Variants in MIPOL1 observed in about 807,000 individuals in gnomAD.
The protein encoded by MIPOL1 is mirror-image polydactyly 1.
MIPOL1 carries 57 observed loss-of-function variants against 60.9 expected under a neutral mutation model. The observed-to-expected ratio is 0.94, with a 90% CI of 0.76 to 1.17. MIPOL1 has a LOEUF of 1.17. Among genes scored for constraint, MIPOL1 ranks in the 50% most tolerant of loss-of-function variants. The probability of loss-of-function intolerance (pLI) is 0.00; values close to 1 mark genes in which losing one functional copy is unlikely to be tolerated. For synonymous variants in MIPOL1, 179 were observed against 168.8 expected (o/e 1.06, Z -0.47); for missense variants, 551 against 511.6 (o/e 1.08, Z -0.74).
intron 11 of MIPOL1, among the ~76,000 whole-genome samples, chr14:37,499,042 A>C (rs921122688): frequency 1.3e-5 from 2 of 152,114 alleles, no homozygotes; most frequent in African/African-American, 4.8e-5. Context: ...CTTTGTATGC[A>C]TATACTGAAA....
chr14:37,355,778 C>G (rs2091769163), intron 9 of MIPOL1, among the ~76,000 whole-genome samples: 1 of 150,710 alleles, frequency 6.6e-6, no homozygotes, highest in South Asian at 2.2e-4. Flanking sequence ...AAGCACTTCT[C>G]TGTATTGGGT....
intron 12 of MIPOL1, among the ~76,000 whole-genome samples, chr14:37,538,922 A>G (rs763113683): frequency 6.6e-6 from 1 of 152,158 alleles, no homozygotes; most frequent in Non-Finnish European, 1.5e-5. Flanking sequence ...AGAACTGCCC[A>G]GCTGACGCGG....
intron 10 of MIPOL1, among the ~76,000 whole-genome samples, chr14:37,375,630 A>C (rs968179398): frequency 6.6e-6 from 1 of 152,064 alleles, no homozygotes; most frequent in Non-Finnish European, 1.5e-5. Context: ...TTTATTATGT[A>C]TTATCTTTAC....
chr14:37,323,387 T>C (rs888103110), intron 9 of MIPOL1, among the ~76,000 whole-genome samples: 1 of 152,110 alleles, frequency 6.6e-6, no homozygotes, highest in African/African-American at 2.4e-5. Flanking sequence ...AACCTTGTAG[T>C]ATAGTTTGAA....
intron 6 of MIPOL1, among the ~76,000 whole-genome samples, chr14:37,280,340 G>C (rs1215659949): frequency 6.6e-6 from 1 of 152,128 alleles, no homozygotes; most frequent in Admixed American, 6.6e-5. Flanking sequence ...ATACCTGGAA[G>C]TGGAACTGCT....
chr14:37,329,821 A>C (rs2153453134), intron 9 of MIPOL1, among the ~76,000 whole-genome samples: 1 of 152,308 alleles, frequency 6.6e-6, no homozygotes, highest in South Asian at 2.1e-4. Flanking sequence ...AATAACTGCC[A>C]ACTTAACATT....
intron 7 of MIPOL1, among the ~76,000 whole-genome samples, chr14:37,298,716 A>G (rs925395218): frequency 5.9e-5 from 9 of 152,178 alleles, no homozygotes; most frequent in African/African-American, 1.4e-4. Context: ...ATCACTGGCC[A>G]TCAGATAAAT....
intron 9 of MIPOL1, among the ~76,000 whole-genome samples, chr14:37,351,753 GTTGT>G (rs2091405773): frequency 1.7e-5 from 2 of 117,908 alleles, no homozygotes; most frequent in African/African-American, 3.2e-5. Flanking sequence ...TTTTGATGGG[GTTGT>G]TTGTTTTTTT....
At chr14:37,410,572 G>A (rs1402388927) in intron 10 of MIPOL1, among the ~76,000 whole-genome samples, 1 of 151,888 alleles carries the variant, frequency 6.6e-6, no homozygotes, top group Admixed American at 6.6e-5. Context: ...GGAAGGAATC[G>A]GAACACAAAA....
chr14:37,437,682 C>T (rs543728895), intron 11 of MIPOL1, among the ~76,000 whole-genome samples: 9 of 152,204 alleles, frequency 5.9e-5, no homozygotes, highest in Non-Finnish European at 1.2e-4. Flanking sequence ...TGACCATCAA[C>T]GGGTAATTAA....
At chr14:37,428,678 T>C (rs1224536922) in intron 11 of MIPOL1, among the ~76,000 whole-genome samples, 3 of 137,956 alleles carry the variant, frequency 2.2e-5, no homozygotes, top group Non-Finnish European at 4.9e-5. Context: ...TTTTTTTTTT[T>C]CTGGTTTAGT....
intron 11 of MIPOL1, among the ~76,000 whole-genome samples, chr14:37,434,850 C>CAAAAAAAA (rs71127219): frequency 3.6e-5 from 4 of 111,736 alleles, no homozygotes; most frequent in Non-Finnish European, 3.9e-5. Flanking sequence ...TTAATCACAG[C>CAAAAAAAA]AAAAAAAAAA....
chr14:37,199,057 A>T (rs1352154402), intron 1 of MIPOL1, among the ~76,000 whole-genome samples: 1 of 152,184 alleles, frequency 6.6e-6, no homozygotes, highest in East Asian at 1.9e-4. Context: ...AGCAAAATGA[A>T]TGGGAGATGT....
intron 1 of MIPOL1, among the ~76,000 whole-genome samples, chr14:37,206,642 A>C (rs1475468647): frequency 1.3e-5 from 2 of 152,180 alleles, no homozygotes; most frequent in African/African-American, 2.4e-5. Context: ...CAGACACTCA[A>C]CACTGATACG....
intron 3 of MIPOL1, among the ~76,000 whole-genome samples, chr14:37,254,666 C>T (rs1283256432): frequency 6.6e-6 from 1 of 151,654 alleles, no homozygotes; most frequent in Admixed American, 6.6e-5. Flanking sequence ...AATAGGATTT[C>T]TTCTTTCTCT....
intron 11 of MIPOL1, among the ~76,000 whole-genome samples, chr14:37,482,137 G>A (rs1017200512): frequency 1.3e-5 from 2 of 152,114 alleles, no homozygotes; most frequent in African/African-American, 4.8e-5. Context: ...AGTATGATGA[G>A]ACAGCCTATG....
intron 11 of MIPOL1, among the ~76,000 whole-genome samples, chr14:37,483,270 G>T (rs377310515): frequency 3.3e-5 from 5 of 151,064 alleles, no homozygotes; most frequent in Admixed American, 1.3e-4. Flanking sequence ...ATGCCACCAC[G>T]CCTGGCTAAT....
At chr14:37,267,740 C>T (rs1567211782) in intron 4 of MIPOL1, among the ~76,000 whole-genome samples, 1 of 152,068 alleles carries the variant, frequency 6.6e-6, no homozygotes, top group Non-Finnish European at 1.5e-5. Flanking sequence ...TTTTCTGTGA[C>T]CTTTCTTTAT....
intron 9 of MIPOL1, among the ~76,000 whole-genome samples, chr14:37,364,134 G>T (rs1216128795): frequency 6.6e-6 from 1 of 152,180 alleles, no homozygotes; most frequent in Non-Finnish European, 1.5e-5. Context: ...ACCCACTGTG[G>T]GCTGCACCCA....
Sources: gnomAD v4.1 joint callset for allele counts (sites outside exome capture counted in the v4.1 genomes callset) on GRCh38, gnomAD v4.1.1 for gene constraint, MANE v1.5 for transcripts, NCBI Gene and HGNC (gene_info 2026-07-23, HGNC 2026-07-21) for gene names.